The following COLEC12 variants were observed in gnomAD, a reference collection of about 807,000 sequenced individuals.
COLEC12 encodes collectin subfamily member 12, also known as collectin-12.
COLEC12 carries 33 observed loss-of-function variants against 71.1 expected under a neutral mutation model. The observed-to-expected ratio is 0.46, with a 90% CI of 0.35 to 0.62. The LOEUF (loss-of-function observed/expected upper bound fraction) is 0.62. Ranked by LOEUF, COLEC12 falls within the 20% of genes least tolerant of loss-of-function variation. The pLI, the probability that COLEC12 is intolerant of heterozygous loss-of-function variation, is 0.00. For missense variants in COLEC12, 765 were observed against 916.1 expected (o/e 0.84, Z 2.13); for synonymous variants, 350 against 353.0 (o/e 0.99, Z 0.10).
intron 2 of COLEC12, among the ~76,000 whole-genome samples, chr18:380,338 A>G (rs1915203200): frequency 6.6e-6 from 1 of 152,036 alleles, no homozygotes; most frequent in Non-Finnish European, 1.5e-5. Context: ...TGCCTGGCTA[A>G]ATTGTACTCT....
chr18:420,208 G>A (rs1214589761), intron 2 of COLEC12, among the ~76,000 whole-genome samples: 1 of 152,132 alleles, frequency 6.6e-6, no homozygotes, highest in Non-Finnish European at 1.5e-5. Context: ...GTTTTAAAAT[G>A]CCTTGTTTCA....
intron 8 of COLEC12, among the ~76,000 whole-genome samples, chr18:324,116 A>G (rs1913779407): frequency 6.6e-6 from 1 of 152,010 alleles, no homozygotes; most frequent in Non-Finnish European, 1.5e-5. Context: ...TGAAGGGACA[A>G]TTTATTCTGT....
intron 8 of COLEC12, among the ~76,000 whole-genome samples, chr18:322,953 AG>A (rs1913746785): frequency 6.6e-6 from 1 of 152,294 alleles, no homozygotes; most frequent in African/African-American, 2.4e-5. Flanking sequence ...GGCCGGGCGT[AG>A]TGGCTCATGC....
intron 2 of COLEC12, among the ~76,000 whole-genome samples, chr18:406,599 T>C (rs1915795420): frequency 6.6e-6 from 1 of 152,106 alleles, no homozygotes; most frequent in Non-Finnish European, 1.5e-5. Context: ...TTTTATTCCT[T>C]TACTTTCCTA....
At chr18:352,418 C>A (rs1914542687) in intron 3 of COLEC12, among the ~76,000 whole-genome samples, 1 of 152,008 alleles carries the variant, frequency 6.6e-6, no homozygotes, top group Admixed American at 6.5e-5. Flanking sequence ...ACTTTTTCTT[C>A]CATTTTAGTT....
In COLEC12 at chr18:362,793, T is replaced by C. The variant is rs1914774892; in HGVS notation, c.59-5271A>G. 6.6e-6 allele frequency among the ~76,000 whole-genome samples: 1 copy of C among 152,158 alleles called. No homozygotes were observed. Among genetic ancestry groups the C allele is most frequent in the Non-Finnish European group, 1.5e-5 (1 of 68,026 alleles). ...TGCATGCCTTTCCGCTGCTTTTCCC[T>C]CTTGAACTATCTCCCGCTGAACTCC... On this transcript the variant is annotated intron_variant, in intron 2 of 9. Transcript: ENST00000400256. This position sits in a 1 kb window ranked among gnomAD's most constrained non-coding sequence, Gnocchi z 4.6.
intron 2 of COLEC12, among the ~76,000 whole-genome samples, chr18:472,392 T>C (rs374943067): frequency 3.3e-5 from 5 of 152,118 alleles, no homozygotes; most frequent in African/African-American, 1.2e-4. Flanking sequence ...GAAAATAGAC[T>C]CCTGGTCAGG....
At chr18:429,744 G>C (rs778386124) in intron 2 of COLEC12, among the ~76,000 whole-genome samples, 2 of 152,122 alleles carry the variant, frequency 1.3e-5, no homozygotes, top group Non-Finnish European at 2.9e-5. Flanking sequence ...AGACAACATA[G>C]AGCTGCATGA....
intron 4 of COLEC12, 148 bp from the exon 5 acceptor site, chr18:347,489 G>T (rs1472612765): frequency 3.2e-6 from 2 of 625,414 alleles, no homozygotes; most frequent in Non-Finnish European, 5.5e-6. Context: ...TTAGTAAAAT[G>T]TACATATCTA....
chr18:358,435 C>A (rs1229685200), intron 2 of COLEC12, among the ~76,000 whole-genome samples: 1 of 152,090 alleles, frequency 6.6e-6, no homozygotes, highest in Non-Finnish European at 1.5e-5. Context: ...AATAGATGGT[C>A]CCGTATGGGT....
intron 2 of COLEC12, among the ~76,000 whole-genome samples, chr18:416,211 C>A (rs539919116): frequency 1.6e-4 from 25 of 152,068 alleles, no homozygotes; most frequent in East Asian, 1.5e-3. Context: ...GACACCCCCC[C>A]AAAAAAATTC....
At chr18:429,300 G>T (rs1264884371) in intron 2 of COLEC12, among the ~76,000 whole-genome samples, 1 of 152,112 alleles carries the variant, frequency 6.6e-6, no homozygotes, top group Admixed American at 6.6e-5. Flanking sequence ...TCAGAACAAT[G>T]TGTACAATGC....
chr18:352,781 A>C lies in COLEC12; in HGVS notation c.182-4618T>G, dbSNP rs146983462. Reference sequence around the variant, plus strand: ...TGACTTTTATTCTGAATTTATTAGCACCAATTCTCAATCAGGAATACAGTC... The same window carrying C: ...TGACTTTTATTCTGAATTTATTAGCCCCAATTCTCAATCAGGAATACAGTC... On this transcript the variant is annotated intron_variant, in intron 3 of 9. Coordinates refer to ENST00000400256, the MANE Select transcript of COLEC12 (RefSeq NM_130386.3). Among the ~76,000 whole-genome samples the C allele has an allele frequency of 3.3e-3, 508 of 152,282 alleles. 3 individuals carry two copies. Among genetic ancestry groups the C allele is most frequent in the African/African-American group, 0.012 (494 of 41,562 alleles).
In COLEC12 at chr18:500,589, G is replaced by C; in HGVS notation, c.-75C>G. The C allele has an allele frequency of 8.5e-7, 1 of 1,176,600 alleles. No individual in the cohort carries two copies. The highest frequency in any genetic ancestry group is 1.1e-6 in the Non-Finnish European group (1 of 945,718). 72.9% of individuals were successfully genotyped at this position (1,176,600 alleles called of 1,614,324 possible). ...CGCAGCCGAGGAAGTCGTCCCGAGC[G>C]GCTGCTCACCGCACGCCCATGGTAG... On this transcript the variant is annotated 5_prime_UTR_variant, in exon 1 of 10. Transcript: ENST00000400256. This position sits in a 1 kb window ranked among gnomAD's most constrained non-coding sequence, Gnocchi z 5.3.
chr18:384,640 A>C (rs962197399), intron 2 of COLEC12, among the ~76,000 whole-genome samples: 3 of 152,204 alleles, frequency 2.0e-5, no homozygotes, highest in African/African-American at 4.8e-5. Flanking sequence ...AGCTAGAGTG[A>C]AACCCCGTTG....
chr18:455,655 C>T (rs9966760), intron 2 of COLEC12, among the ~76,000 whole-genome samples: 2 of 151,074 alleles, frequency 1.3e-5, no homozygotes, highest in African/African-American at 2.4e-5. Flanking sequence ...TTGCCCCCCC[C>T]TCCCCTGACA....
At chr18:326,969 A>T (rs116579183) in intron 8 of COLEC12, among the ~76,000 whole-genome samples, 347 of 152,278 alleles carry the variant, frequency 2.3e-3, no homozygotes, top group African/African-American at 8.1e-3. Flanking sequence ...CATGATCCCA[A>T]TGACGACTGC....
At chr18:498,806 C>A (rs183393875) in intron 1 of COLEC12, among the ~76,000 whole-genome samples, 3 of 152,286 alleles carry the variant, frequency 2.0e-5, no homozygotes, top group African/African-American at 4.8e-5. Flanking sequence ...GGTAGGCCAC[C>A]ATCTGGTCCA....
intron 2 of COLEC12, among the ~76,000 whole-genome samples, chr18:363,879 C>A (rs1347960171): frequency 6.6e-6 from 1 of 152,150 alleles, no homozygotes; most frequent in Non-Finnish European, 1.5e-5. Context: ...GGACACCTTA[C>A]TATGCCAAGT....
Sources: allele counts gnomAD v4.1 joint callset (sites outside exome capture counted in the v4.1 genomes callset), GRCh38; gene constraint gnomAD v4.1.1; non-coding constraint Gnocchi (gnomAD v3.1); transcripts MANE v1.5; gene names NCBI Gene and HGNC (gene_info 2026-07-23, HGNC 2026-07-21).